CUL2: variants seen among roughly 807,000 people sequenced by gnomAD.
CUL2 encodes the protein cullin-2.
CUL2 carries 22 observed loss-of-function variants against 110.2 expected under a neutral mutation model. That is an observed-to-expected ratio of 0.20 (90% CI 0.14 to 0.28). The LOEUF is 0.28. Among genes scored for constraint, CUL2 ranks in the 10% least tolerant of loss-of-function variants. The pLI is 1.00. For synonymous variants in CUL2, 279 were observed against 293.2 expected (o/e 0.95, Z 0.49); for missense variants, 631 against 905.5 (o/e 0.70, Z 3.89).
intron 5 of CUL2, among the ~76,000 whole-genome samples, chr10:35,053,456 TC>T (rs1189799211): frequency 6.6e-6 from 1 of 152,234 alleles, no homozygotes; most frequent in Admixed American, 6.5e-5. Context: ...TATAACAAAA[TC>T]ATATCATATA....
chr10:35,074,125 C>T, intron 1 of CUL2: 1 of 1,454,798 alleles, frequency 6.9e-7, no homozygotes, highest in Non-Finnish European at 9.3e-7. Flanking sequence ...GTGGACAAAA[C>T]AAAGTTCTTG....
chr10:35,064,748 G>T (rs898527163), intron 2 of CUL2, among the ~76,000 whole-genome samples: 4 of 152,000 alleles, frequency 2.6e-5, no homozygotes, highest in Non-Finnish European at 5.9e-5. Flanking sequence ...TCACCATGTT[G>T]TCTAGGCTGG....
Position 35,034,001 on chromosome 10 carries a change from A to G in CUL2, c.1003-728T>C, listed in dbSNP as rs144629321. On this transcript the variant is annotated intron_variant, in intron 10 of 20. Transcript: ENST00000374749. ...AGAAAGGAGAGTTAAAAAGCCAATA[A>G]TCCTGAGAACAGAGACCCCTTGAAC... Among the ~76,000 whole-genome samples the G allele has an allele frequency of 2.5e-3, 383 of 152,296 alleles. 3 individuals are homozygous for G. The highest frequency in any genetic ancestry group is 8.9e-3 in the African/African-American group (371 of 41,576).
At chr10:35,067,930 A>G (rs2134968732) in intron 2 of CUL2, among the ~76,000 whole-genome samples, 1 of 151,606 alleles carries the variant, frequency 6.6e-6, no homozygotes. Flanking sequence ...ACACGGTGAA[A>G]CCCTGTCTCT....
At chr10:35,074,274 G>C in intron 1 of CUL2, 1 of 1,377,156 alleles carries the variant, frequency 7.3e-7, no homozygotes, top group Non-Finnish European at 1.0e-6. Context: ...TTCAGTTTGG[G>C]CTCAACTGCA....
intron 2 of CUL2, chr10:35,098,067 T>C (rs1052541156): frequency 2.3e-4 from 35 of 152,270 alleles, no homozygotes; most frequent in African/African-American, 7.7e-4. Flanking sequence ...TGGGTGATAG[T>C]GGTACCAGAT....
At position 35,009,055 on chromosome 10, in the gene CUL2, G is replaced by A. The variant is rs11597912; in HGVS notation, c.*1256C>T. 0.14 allele frequency: 20,479 copies of A among 151,444 alleles called. 1,577 individuals are homozygous for A. Among genetic ancestry groups the A allele is most frequent in the South Asian group, 0.2 (954 of 4,790 alleles). 9.4% of individuals were successfully genotyped at this position (151,444 alleles called of 1,614,324 possible). Reference sequence around the variant, plus strand: ...AGCCTGGGAAACATGGCGAAACCCCGTCTCTTATTTTTTTTAAAATAAAGA... The same window carrying A: ...AGCCTGGGAAACATGGCGAAACCCCATCTCTTATTTTTTTTAAAATAAAGA... On this transcript the variant is annotated 3_prime_UTR_variant, in exon 21 of 21. Coordinates refer to ENST00000374749, the MANE Select transcript of CUL2 (RefSeq NM_003591.4).
intron 17 of CUL2, among the ~76,000 whole-genome samples, chr10:35,022,449 A>G (rs955344374): frequency 1.3e-5 from 2 of 152,278 alleles, no homozygotes; most frequent in African/African-American, 4.8e-5. Context: ...AATAATTTTC[A>G]TTCTATGTTT....
At chr10:35,083,386 T>C (rs1333012786) in intron 1 of CUL2, among the ~76,000 whole-genome samples, 1 of 152,128 alleles carries the variant, frequency 6.6e-6, no homozygotes, top group East Asian at 1.9e-4. Context: ...TGAATATACA[T>C]ATATTTCTAG....
intron 2 of CUL2, among the ~76,000 whole-genome samples, chr10:35,096,032 G>A (rs999347014): frequency 6.6e-6 from 1 of 151,940 alleles, no homozygotes; most frequent in Admixed American, 6.6e-5. Flanking sequence ...TGGATTGCTC[G>A]AGGCCAGGAC....
chr10:35,022,549 T>C (rs1370543719), intron 17 of CUL2, among the ~76,000 whole-genome samples: 1 of 152,202 alleles, frequency 6.6e-6, no homozygotes, highest in Admixed American at 6.5e-5. Flanking sequence ...CCTGGAGCCT[T>C]AGGCCATATA....
At chr10:35,115,515 G>A (rs772759426) in intron 1 of CUL2, among the ~76,000 whole-genome samples, 4 of 152,238 alleles carry the variant, frequency 2.6e-5, no homozygotes, top group Non-Finnish European at 1.5e-5. Flanking sequence ...AGCTGAGATC[G>A]CGCCACTACA....
chr10:35,115,746 A>AGTGTG (rs1392370710), intron 1 of CUL2, among the ~76,000 whole-genome samples: 2 of 151,748 alleles, frequency 1.3e-5, no homozygotes, highest in Non-Finnish European at 2.9e-5. Context: ...AAATACAAAA[A>AGTGTG]TTAGCTGGGT....
At chr10:35,069,649 A>G (rs576076622) in intron 2 of CUL2, among the ~76,000 whole-genome samples, 3 of 152,294 alleles carry the variant, frequency 2.0e-5, no homozygotes, top group Admixed American at 1.3e-4. Flanking sequence ...TTTCCAGGGA[A>G]GTAATCTATT....
intron 1 of CUL2, among the ~76,000 whole-genome samples, chr10:35,108,708 C>G (rs923692036): frequency 6.6e-6 from 1 of 152,056 alleles, no homozygotes; most frequent in African/African-American, 2.4e-5. Context: ...CATGAGATTT[C>G]AGTCAAAGTA....
intron 1 of CUL2, among the ~76,000 whole-genome samples, chr10:35,109,602 C>T (rs147797534): frequency 2.1e-4 from 32 of 152,180 alleles, no homozygotes; most frequent in Non-Finnish European, 1.9e-4. Context: ...TGCGTTTACA[C>T]GGCAAGGAGA....
upstream of CUL2, chr10:35,090,564 C>T (rs2087185489): frequency 6.6e-6 from 1 of 152,586 alleles, no homozygotes; most frequent in African/African-American, 2.4e-5. Flanking sequence ...CCTCCTCTGC[C>T]TCCGGCTTTG....
chr10:35,040,079 G>A (rs1336625529), intron 8 of CUL2, among the ~76,000 whole-genome samples: 1 of 152,162 alleles, frequency 6.6e-6, no homozygotes, highest in African/African-American at 2.4e-5. Flanking sequence ...CTTGAACCCA[G>A]GAGGAGGAGG....
In CUL2 at chr10:35,124,001, C is replaced by T. The variant is rs114743523; in HGVS notation, c.-51+2604G>A. The stretch of plus-strand genomic sequence containing the variant: ...ACAAAGATGAGTGAAACCATGAGAG[C>T]CAAGTATCATGAAAATTCAGGAGGG... On this transcript the variant is annotated intron_variant, in intron 1 of 5. Transcript: ENST00000685421. 6.5e-3 allele frequency among the ~76,000 whole-genome samples: 989 copies of T among 152,188 alleles called. 13 individuals carry two copies. The highest frequency in any genetic ancestry group is 0.021 in the African/African-American group (887 of 41,508).
Sources: allele counts gnomAD v4.1 joint callset (sites outside exome capture counted in the v4.1 genomes callset), GRCh38; gene constraint gnomAD v4.1.1; transcripts MANE v1.5; gene names NCBI Gene and HGNC (gene_info 2026-07-23, HGNC 2026-07-21).